Variants in STAC observed in about 807,000 individuals in gnomAD.
STAC encodes the protein SH3 and cysteine rich domain.
Under a neutral mutation model 48.8 loss-of-function variants are expected in STAC, and 43 were observed. The ratio of observed to expected loss-of-function variants is 0.88; its 90% CI spans 0.69 to 1.14. STAC has a LOEUF of 1.14. Among genes scored for constraint, STAC ranks in the 50% most tolerant of loss-of-function variants. The pLI, the probability that STAC is intolerant of heterozygous loss-of-function variation, is 0.00. For missense variants in STAC, 497 were observed against 504.0 expected (o/e 0.99, Z 0.13); for synonymous variants, 193 against 179.5 (o/e 1.07, Z -0.60).
intron 6 of STAC, 108 bp downstream of exon 6, chr3:36,493,337 T>A: frequency 2.0e-6 from 2 of 998,724 alleles, no homozygotes; most frequent in Non-Finnish European, 3.1e-6. Flanking sequence ...CTCTGGAATT[T>A]AATCAGGGCG....
chr3:36,437,164 T>G (rs1157230085), intron 1 of STAC, among the ~76,000 whole-genome samples: 1 of 151,536 alleles, frequency 6.6e-6, no homozygotes, highest in African/African-American at 2.4e-5. Flanking sequence ...AGGAACACTT[T>G]TACACTGTTG....
intron 1 of STAC, among the ~76,000 whole-genome samples, chr3:36,442,655 C>T (rs1379699084): frequency 6.6e-6 from 1 of 151,754 alleles, no homozygotes; most frequent in East Asian, 1.9e-4. Context: ...GAGAAATGGT[C>T]TAGTTTGTCA....
intron 10 of STAC, among the ~76,000 whole-genome samples, chr3:36,530,207 CCT>C (rs979875607): frequency 6.6e-6 from 1 of 152,166 alleles, no homozygotes; most frequent in African/African-American, 2.4e-5. Flanking sequence ...AAAAATCTTT[CCT>C]CTGTTTCTTT....
rs146773955 is a variant in STAC, at chr3:36,472,226, T to C, written c.389-10766T>C. On this transcript the variant is annotated intron_variant, in intron 2 of 10. Coordinates refer to ENST00000273183, the MANE Select transcript of STAC (RefSeq NM_003149.3). ...CAGCCCAAGCTCTACATTGGCCCCT[T>C]TCAGCCATGGCTGGAGTGACTGGGA... Among the ~76,000 whole-genome samples, 65 of 152,334 alleles carry C rather than the reference T, an allele frequency of 4.3e-4. 1 individual carries two copies. Among genetic ancestry groups the C allele is most frequent in the African/African-American group, 1.3e-3 (55 of 41,582 alleles).
chr3:36,444,225 C>G (rs562838570), intron 2 of STAC, among the ~76,000 whole-genome samples: 13 of 152,304 alleles, frequency 8.5e-5, no homozygotes, highest in Non-Finnish European at 1.6e-4. Flanking sequence ...ATGGTCTAGT[C>G]CCTATGACTC....
intron 8 of STAC, among the ~76,000 whole-genome samples, chr3:36,520,406 A>T (rs1200201176): frequency 6.6e-6 from 1 of 152,168 alleles, no homozygotes; most frequent in East Asian, 1.9e-4. Context: ...GCAGACTCAA[A>T]AACCAGAACA....
At chr3:36,453,498 T>C (rs1696753156) in intron 2 of STAC, among the ~76,000 whole-genome samples, 1 of 152,208 alleles carries the variant, frequency 6.6e-6, no homozygotes, top group Non-Finnish European at 1.5e-5. Context: ...GGCCAGCAGC[T>C]GCTGTGCTCA....
intron 1 of STAC, among the ~76,000 whole-genome samples, chr3:36,396,529 G>A (rs1699861430): frequency 6.6e-6 from 1 of 152,038 alleles, no homozygotes; most frequent in Admixed American, 6.6e-5. Context: ...CAGAAGTACA[G>A]GGATGCTTCA....
chr3:36,402,185 T>G (rs776638602), intron 1 of STAC, among the ~76,000 whole-genome samples: 2 of 152,196 alleles, frequency 1.3e-5, no homozygotes, highest in Non-Finnish European at 2.9e-5. Flanking sequence ...TAACTTCTAT[T>G]CCCTACAAAG....
intron 1 of STAC, among the ~76,000 whole-genome samples, chr3:36,411,631 AGAGAC>A (rs1251107305): frequency 5.3e-5 from 8 of 152,318 alleles, no homozygotes; most frequent in African/African-American, 1.7e-4. Context: ...TAAGCCCAGG[AGAGAC>A]TGTTCTTCCA....
rs142382090 is a variant in STAC at position 36,527,834 on chromosome 3, G to GAC, written c.921-848_921-847dup. Among the ~76,000 whole-genome samples the GAC allele has an allele frequency of 3.3e-3, 502 of 151,746 alleles. 1 individual carries two copies. The highest frequency in any genetic ancestry group is 0.011 in the African/African-American group (460 of 41,380). On this transcript the variant is annotated intron_variant, in intron 8 of 10. Coordinates refer to ENST00000273183, the MANE Select transcript of STAC (RefSeq NM_003149.3). Reference sequence around the variant, plus strand: ...TTCTTGATGAATGATGTAGAATGTTGACACACACACACACATGCACACATA... The same window carrying GAC: ...TTCTTGATGAATGATGTAGAATGTTGACACACACACACACACATGCACACATA...
intron 1 of STAC, among the ~76,000 whole-genome samples, chr3:36,436,210 C>T (rs1247121282): frequency 6.6e-6 from 1 of 152,200 alleles, no homozygotes; most frequent in Non-Finnish European, 1.5e-5. Context: ...CCGTATCTTA[C>T]CATAACTATA....
chr3:36,531,083 A>C (rs1699054202), intron 10 of STAC, among the ~76,000 whole-genome samples: 1 of 152,192 alleles, frequency 6.6e-6, no homozygotes, highest in Non-Finnish European at 1.5e-5. Context: ...ATATATTTTA[A>C]CAAAGGTGGA....
rs57925459 is a variant in STAC, at chr3:36,382,438, T to C, written c.111+1684T>C. Reference sequence around the variant, plus strand: ...GGCAGAGCAAAAGCCACATATGTAATGCCCATAATTATCCACCAATTTATC... The same window carrying C: ...GGCAGAGCAAAAGCCACATATGTAACGCCCATAATTATCCACCAATTTATC... On this transcript the variant is annotated intron_variant, in intron 1 of 10. Coordinates refer to ENST00000273183, the MANE Select transcript of STAC (RefSeq NM_003149.3). Among the ~76,000 whole-genome samples the C allele has an allele frequency of 2.8e-3, 424 of 152,356 alleles. 4 individuals are homozygous for C. The highest frequency in any genetic ancestry group is 9.6e-3 in the African/African-American group (400 of 41,588).
At chr3:36,514,125 A>AAATCTAG (rs1158183476) in intron 8 of STAC, among the ~76,000 whole-genome samples, 2 of 151,128 alleles carry the variant, frequency 1.3e-5, no homozygotes, top group African/African-American at 4.9e-5. Flanking sequence ...CCCTGGGGTA[A>AAATCTAG]AATCTAGAAT....
At chr3:36,512,132 T>C (rs1698557465) in intron 8 of STAC, among the ~76,000 whole-genome samples, 2 of 152,174 alleles carry the variant, frequency 1.3e-5, no homozygotes, top group Non-Finnish European at 1.5e-5. Context: ...TAAGGTCTTG[T>C]ACATCTGAGT....
At chr3:36,526,203 G>A (rs80172692) in intron 8 of STAC, among the ~76,000 whole-genome samples, 7 of 152,284 alleles carry the variant, frequency 4.6e-5, no homozygotes, top group South Asian at 4.2e-4. Context: ...ACTGAAAAGC[G>A]TGAGAGTCTG....
At chr3:36,524,727 GC>G (rs1348457553) in intron 8 of STAC, among the ~76,000 whole-genome samples, 1 of 152,096 alleles carries the variant, frequency 6.6e-6, no homozygotes, top group African/African-American at 2.4e-5. Context: ...AAATCAGAAG[GC>G]AGGCTCTGTG....
intron 2 of STAC, among the ~76,000 whole-genome samples, chr3:36,457,981 C>G (rs1696898884): frequency 6.6e-6 from 1 of 152,070 alleles, no homozygotes; most frequent in African/African-American, 2.4e-5. Context: ...TAGGAAAGAT[C>G]AACAGAGGCA....
Sources: gnomAD v4.1 joint callset for allele counts (sites outside exome capture counted in the v4.1 genomes callset) on GRCh38, gnomAD v4.1.1 for gene constraint, MANE v1.5 for transcripts, NCBI Gene and HGNC (gene_info 2026-07-23, HGNC 2026-07-21) for gene names.